The following GALM variants were observed in gnomAD, a reference collection of about 807,000 sequenced individuals.
The protein encoded by GALM is galactose mutarotase, also known as aldose 1-epimerase.
Under a neutral mutation model 37.4 loss-of-function variants are expected in GALM, and 43 were observed. The observed-to-expected ratio is 1.15, with a 90% CI of 0.90 to 1.48. The LOEUF (loss-of-function observed/expected upper bound fraction) is 1.48, where lower values mean the gene tolerates loss of function less well. Ranked by LOEUF, GALM falls within the 40% of genes most tolerant of loss-of-function variation. GALM has a pLI of 0.00. For missense variants in GALM, 456 were observed against 419.1 expected, an observed-to-expected ratio of 1.09 and a Z score of -0.77; for synonymous variants, 199 against 170.6, an observed-to-expected ratio of 1.17 and a Z score of -1.30.
chr2:38,672,365 A>G (rs1665130337), intron 1 of GALM, among the ~76,000 whole-genome samples: 1 of 152,218 alleles, frequency 6.6e-6, no homozygotes, highest in Non-Finnish European at 1.5e-5. Flanking sequence ...AAAACCAAGG[A>G]AAGATTGTTT....
At chr2:38,685,663 C>T (rs1042054859) in intron 3 of GALM, among the ~76,000 whole-genome samples, 10 of 152,100 alleles carry the variant, frequency 6.6e-5, no homozygotes, top group Non-Finnish European at 1.0e-4. Context: ...TAGATCATTG[C>T]GTTTTTCCAG....
At chr2:38,691,726 T>A in intron 4 of GALM, among the ~76,000 whole-genome samples, 1 of 148,826 alleles carries the variant, frequency 6.7e-6, no homozygotes, top group East Asian at 1.9e-4. Flanking sequence ...TTTCAGTAGT[T>A]TTTTTTTTTT....
At chr2:38,732,050 C>CAAAA in intron 6 of GALM, 141 bp downstream of exon 6, 2 of 775,494 alleles carry the variant, frequency 2.6e-6, no homozygotes, top group South Asian at 1.8e-5. Flanking sequence ...GACAGAGTCT[C>CAAAA]ACTCTTGTCG....
intron 4 of GALM, among the ~76,000 whole-genome samples, chr2:38,702,892 C>CTATA (rs143376662): frequency 7.1e-6 from 1 of 140,308 alleles, no homozygotes; most frequent in Non-Finnish European, 1.5e-5. Context: ...GTTTTAAACA[C>CTATA]TATATATATA....
chr2:38,685,313 A>G (rs1410626089), intron 3 of GALM, among the ~76,000 whole-genome samples: 12 of 152,324 alleles, frequency 7.9e-5, no homozygotes, highest in African/African-American at 2.9e-4. Flanking sequence ...GGATAAATCA[A>G]CAAGCCTAGT....
chr2:38,715,713 G>A (rs532699637), intron 4 of GALM, among the ~76,000 whole-genome samples: 6 of 152,308 alleles, frequency 3.9e-5, no homozygotes, highest in African/African-American at 1.2e-4. Flanking sequence ...GATTATAGGC[G>A]TGAGCCACCG....
intron 4 of GALM, among the ~76,000 whole-genome samples, chr2:38,710,017 C>T (rs1666116492): frequency 6.6e-6 from 1 of 152,306 alleles, no homozygotes; most frequent in Non-Finnish European, 1.5e-5. Flanking sequence ...GACTCTAGCA[C>T]CACGTGCTCT....
intron 3 of GALM, among the ~76,000 whole-genome samples, chr2:38,689,262 C>T (rs1665614399): frequency 6.6e-6 from 1 of 152,182 alleles, no homozygotes; most frequent in Non-Finnish European, 1.5e-5. Flanking sequence ...CCTGCAAAGG[C>T]CAGGCTGCAT....
chr2:38,708,610 G>A (rs571467590), intron 4 of GALM, among the ~76,000 whole-genome samples: 7 of 152,086 alleles, frequency 4.6e-5, no homozygotes, highest in African/African-American at 1.4e-4. Flanking sequence ...GTATGGTGGC[G>A]GGCGCCTGTA....
chr2:38,733,617 C>T lies in GALM; in HGVS notation c.*52C>T. 7.6e-7 allele frequency: 1 copy of T among 1,309,086 alleles called. No individual in the cohort carries two copies. The highest frequency in any genetic ancestry group is 1.7e-5 in the Admixed American group (1 of 59,546). 81.1% of individuals were successfully genotyped at this position (1,309,086 alleles called of 1,614,324 possible). ...AGGGCTAGGCTCAGCCACCTGTCTC[C>T]TGTCCAGAAAAAAGGTGAAGATTAA... is the stretch of plus-strand genomic sequence containing the variant. On this transcript the variant is annotated 3_prime_UTR_variant, in exon 7 of 7. Transcript: ENST00000272252.
chr2:38,666,194 G>A lies in GALM; in HGVS notation c.33G>A (p.Glu11=). Residue 11 remains glutamate (E), a synonymous_variant, in exon 1 of 7, where the codon GAG becomes GAA. Coordinates refer to ENST00000272252, the MANE Select transcript of GALM (RefSeq NM_138801.3). MASVTRAVFG[E]LPSGGGTVEK... ...CGGTGACCAGGGCCGTGTTTGGAGA[G>A]CTGCCCTCGGGAGGAGGGACAGTGG... 6.2e-7 allele frequency: 1 copy of A among 1,613,748 alleles called. No individual in the cohort carries two copies. Among genetic ancestry groups the A allele is most frequent in the Non-Finnish European group, 8.5e-7 (1 of 1,179,808 alleles).
At chr2:38,722,057 A>T (rs1347746141) in intron 4 of GALM, among the ~76,000 whole-genome samples, 25 of 5,646 alleles carry the variant, frequency 4.4e-3, no homozygotes, top group African/African-American at 0.01. Flanking sequence ...CCCCCCACCT[A>T]GAACAGAAGC....
intron 6 of GALM, 44 bp from the exon 7 acceptor site, chr2:38,733,444 A>G: frequency 1.3e-6 from 2 of 1,510,198 alleles, no homozygotes; most frequent in Non-Finnish European, 1.8e-6. Context: ...TTAATGTTGC[A>G]GCCTGCGGTG....
intron 4 of GALM, among the ~76,000 whole-genome samples, chr2:38,717,981 C>T (rs759585843): frequency 1.2e-4 from 18 of 151,214 alleles, no homozygotes; most frequent in African/African-American, 4.4e-4. Context: ...ACTACAGGCA[C>T]GCACCACCAT....
At chr2:38,717,016 C>T (rs1209164372) in intron 4 of GALM, among the ~76,000 whole-genome samples, 8 of 152,074 alleles carry the variant, frequency 5.3e-5, no homozygotes, top group Admixed American at 1.3e-4. Flanking sequence ...TTTGGGAGGC[C>T]GAGGCAGGCG....
At chr2:38,729,436 A>G (rs893728799) in intron 4 of GALM, 120 bp from the exon 5 acceptor site, 1 of 697,786 alleles carries the variant, frequency 1.4e-6, no homozygotes, top group African/African-American at 1.9e-5. Context: ...CTGGGCTCCC[A>G]TCTCCTTAAC....
intron 6 of GALM, 41 bp from the exon 7 acceptor site, chr2:38,733,447 C>T (rs1370525830): frequency 6.5e-7 from 1 of 1,529,576 alleles, no homozygotes; most frequent in Non-Finnish European, 9.1e-7. Flanking sequence ...ATGTTGCAGC[C>T]TGCGGTGTCA....
At chr2:38,714,882 A>C (rs1334863270) in intron 4 of GALM, among the ~76,000 whole-genome samples, 1 of 152,210 alleles carries the variant, frequency 6.6e-6, no homozygotes, top group Non-Finnish European at 1.5e-5. Context: ...CATTTGGTCT[A>C]TAGTATAGTT....
At chr2:38,705,803 G>A (rs1336552992) in intron 4 of GALM, among the ~76,000 whole-genome samples, 1 of 152,164 alleles carries the variant, frequency 6.6e-6, no homozygotes, top group Non-Finnish European at 1.5e-5. Flanking sequence ...GTACAGTCAT[G>A]ATTGTCTTTC....
Sources: allele counts gnomAD v4.1 joint callset (sites outside exome capture counted in the v4.1 genomes callset), GRCh38; gene constraint gnomAD v4.1.1; transcripts MANE v1.5; gene names NCBI Gene and HGNC (gene_info 2026-07-23, HGNC 2026-07-21).